Variants in USP4 observed in about 807,000 individuals in gnomAD.
USP4 encodes ubiquitin specific peptidase 4.
A neutral mutation model predicts 118.2 loss-of-function variants in USP4; 72 were observed. The observed-to-expected ratio is 0.61, with a 90% CI of 0.50 to 0.74. The LOEUF (loss-of-function observed/expected upper bound fraction) is 0.74. Among genes scored for constraint, USP4 ranks in the 30% least tolerant of loss-of-function variants. The pLI is 0.00. For synonymous variants in USP4, 415 were observed against 440.4 expected, an observed-to-expected ratio of 0.94 and a Z score of 0.72; for missense variants, 1,037 against 1,185.7, an observed-to-expected ratio of 0.87 and a Z score of 1.84.
At position 49,280,753 on chromosome 3, in the gene USP4, C is replaced by A. The variant is rs1349723286; in HGVS notation, c.2635G>T (p.Val879Phe). ...AGATGTCAATACTTACAGTGGCCAA[C>A]CCCCATGGCTCCATAATGATTGGAC... is the stretch of plus-strand genomic sequence containing the variant. ...AVSNHYGAMG[V>F]GHYTAYAKNK... The change falls in exon 20 of 22, where the codon GTT (valine) becomes TTT (phenylalanine). Residue 879 changes from valine to phenylalanine, a missense_variant. By Grantham distance (50) the Val-to-Phe change is conservative. This residue lies in a region of USP4 where 522 missense variants were observed against 592.6 expected (regional missense o/e 0.88). Transcript: ENST00000265560. 2 of 1,613,794 alleles carry A rather than the reference C, an allele frequency of 1.2e-6. No individual in the cohort carries two copies. Among genetic ancestry groups the A allele is most frequent in the African/African-American group, 1.3e-5 (1 of 74,990 alleles).
rs200906127 is a variant in USP4 at position 49,335,228 on chromosome 3, CAA to C, written c.229+239_229+240del. On this transcript the variant is annotated intron_variant, in intron 2 of 21. Coordinates refer to ENST00000265560, the MANE Select transcript of USP4 (RefSeq NM_003363.4). ...TGAAATAGCTAGCAGAACTAATTTGCAAAGAGAGAAAGTTAAAATGTTAGAAG... is the reference window on the plus strand; with the variant it reads ...TGAAATAGCTAGCAGAACTAATTTGCAGAGAGAAAGTTAAAATGTTAGAAG... Among the ~76,000 whole-genome samples the C allele has an allele frequency of 5.8e-3, 890 of 152,194 alleles. 11 individuals are homozygous for C. Among genetic ancestry groups the C allele is most frequent in the African/African-American group, 0.02 (847 of 41,512 alleles).
rs1030888434 is a variant in USP4 at position 49,278,228 on chromosome 3, T to C, written c.*65A>G. On this transcript the variant is annotated 3_prime_UTR_variant, in exon 22 of 22. Transcript: ENST00000265560. ...GACAGAACACTAGCAGTCTGCAGAG[T>C]GTCAAAGATGTTCTCCTGGGGGATT... 1 of 1,556,790 alleles carries C rather than the reference T, an allele frequency of 6.4e-7. No homozygotes were observed. The highest frequency in any genetic ancestry group is 1.4e-5 in the African/African-American group (1 of 72,760).
intron 6 of USP4, among the ~76,000 whole-genome samples, chr3:49,319,309 C>T (rs1459584139): frequency 6.7e-6 from 1 of 150,094 alleles, no homozygotes; most frequent in Admixed American, 6.6e-5. Flanking sequence ...AGTGCAGTGG[C>T]GCGATCTCGG....
intron 6 of USP4, among the ~76,000 whole-genome samples, chr3:49,315,809 C>T (rs1405806739): frequency 6.6e-6 from 1 of 152,190 alleles, no homozygotes; most frequent in Non-Finnish European, 1.5e-5. Flanking sequence ...TCTGGACAAA[C>T]CAGGCAAAGC....
Position 49,335,563 on chromosome 3 carries a change from C to T in USP4, c.135G>A (p.Trp45Ter). The T allele has an allele frequency of 6.2e-7, 1 of 1,614,208 alleles. No homozygotes were observed. Among genetic ancestry groups the T allele is most frequent in the Non-Finnish European group, 8.5e-7 (1 of 1,180,042 alleles). Reference sequence around the variant, plus strand: ...AGCTGTCAAAGCCCACATACTTCTTCCACTGCTTGAACCACCGGCTGTCAA... The same window carrying T: ...AGCTGTCAAAGCCCACATACTTCTTTCACTGCTTGAACCACCGGCTGTCAA... ...YLIDSRWFKQ[W>*]KKYVGFDSWD... The change falls in exon 2 of 22, where the codon TGG (tryptophan) becomes TGA (stop). Residue 45 changes from tryptophan to a stop codon, truncating the protein, a stop_gained. Coordinates refer to ENST00000265560, the MANE Select transcript of USP4 (RefSeq NM_003363.4). LOFTEE classifies it high-confidence loss of function.
chr3:49,290,224 C>T (rs1454078167), intron 15 of USP4, among the ~76,000 whole-genome samples: 20 of 152,062 alleles, frequency 1.3e-4, no homozygotes, highest in Admixed American at 1.2e-3. Context: ...AGACCAGACT[C>T]GCCATGATGG....
chr3:49,313,653 T>C (rs984743793), intron 6 of USP4, among the ~76,000 whole-genome samples: 1 of 152,238 alleles, frequency 6.6e-6, no homozygotes, highest in African/African-American at 2.4e-5. Flanking sequence ...ACGCCTTCTA[T>C]GGAGAATTTT....
intron 1 of USP4, among the ~76,000 whole-genome samples, chr3:49,337,536 C>T (rs1203567839): frequency 6.6e-6 from 1 of 152,070 alleles, no homozygotes; most frequent in African/African-American, 2.4e-5. Flanking sequence ...CTCAAGTGAT[C>T]CTCCTGCCTC....
chr3:49,299,324 G>A (rs189108919), intron 11 of USP4, among the ~76,000 whole-genome samples: 12 of 151,752 alleles, frequency 7.9e-5, no homozygotes, highest in Admixed American at 2.6e-4. Flanking sequence ...TCCTGACCTC[G>A]TGATCTGCCC....
Position 49,292,648 on chromosome 3 carries a change from TTATC to T in USP4, c.1884-54_1884-51del, listed in dbSNP as rs1175686168. ...AAAAAAAGATTGTTAGTTGTAACAT[TTATC>T]TATTTTTTCCACCATGCGGCTAAGA... On this transcript the variant is annotated intron_variant, in intron 14 of 21. Transcript: ENST00000265560. 3.8e-6 allele frequency: 5 copies of T among 1,313,414 alleles called. No individual in the cohort carries two copies. The African/African-American group carries it at 4.5e-5, about 12-fold the overall frequency. 81.4% of individuals were successfully genotyped at this position (1,313,414 alleles called of 1,614,324 possible).
intron 15 of USP4, 55 bp downstream of exon 15, chr3:49,292,455 G>A: frequency 8.3e-7 from 1 of 1,209,314 alleles, no homozygotes. Context: ...TAGAAGAAGA[G>A]GGAAATCAGG....
At chr3:49,293,007 G>C (rs948359242) in intron 14 of USP4, among the ~76,000 whole-genome samples, 18 of 152,184 alleles carry the variant, frequency 1.2e-4, no homozygotes, top group African/African-American at 4.1e-4. Flanking sequence ...ACTCCAGCCT[G>C]GGCAGAGAGC....
intron 8 of USP4, 131 bp from the exon 9 acceptor site, chr3:49,306,019 C>T: frequency 1.1e-6 from 1 of 894,800 alleles, no homozygotes; most frequent in Middle Eastern, 3.1e-4. Flanking sequence ...TCTCTGAAGG[C>T]TCACGACAGT....
chr3:49,302,246 A>G, intron 10 of USP4, 138 bp downstream of exon 10: 1 of 884,018 alleles, frequency 1.1e-6, no homozygotes, highest in Non-Finnish European at 1.7e-6. Context: ...ACCAGAGACC[A>G]TATCCCTATA....
At chr3:49,316,383 G>A (rs534187819) in intron 6 of USP4, among the ~76,000 whole-genome samples, 18 of 151,974 alleles carry the variant, frequency 1.2e-4, no homozygotes, top group African/African-American at 4.1e-4. Context: ...CACCTCCCCA[G>A]TTCAAGCAAT....
chr3:49,292,100 C>T (rs2047158033), intron 15 of USP4, among the ~76,000 whole-genome samples: 1 of 152,002 alleles, frequency 6.6e-6, no homozygotes, highest in African/African-American at 2.4e-5. Flanking sequence ...AGCCACCACG[C>T]CCGGCCAACC....
At chr3:49,322,748 C>G (rs573570496) in intron 6 of USP4, among the ~76,000 whole-genome samples, 52 of 138,408 alleles carry the variant, frequency 3.8e-4, no homozygotes, top group South Asian at 7.4e-4. Flanking sequence ...GTAGTCCCAG[C>G]TGCTCGGGAG....
chr3:49,298,393 C>A (rs540594213), intron 12 of USP4, among the ~76,000 whole-genome samples, 159 bp downstream of exon 12: 45 of 152,298 alleles, frequency 3.0e-4, no homozygotes, highest in Non-Finnish European at 6.0e-4. Flanking sequence ...GTCTCAGTCA[C>A]AATGTGCATA....
intron 6 of USP4, chr3:49,311,993 G>A (rs1209389496): frequency 3.0e-6 from 2 of 663,704 alleles, no homozygotes; most frequent in Non-Finnish European, 3.9e-6. Context: ...ACCAGCCTGG[G>A]CAACACAGTG....
Sources: allele counts gnomAD v4.1 joint callset (sites outside exome capture counted in the v4.1 genomes callset), GRCh38; gene constraint gnomAD v4.1.1; regional missense constraint gnomAD v4.1.1; transcripts MANE v1.5; gene names NCBI Gene and HGNC (gene_info 2026-07-23, HGNC 2026-07-21).